The following MGAT1 variants were observed in gnomAD, a reference collection of about 807,000 sequenced individuals.
MGAT1 encodes the protein N-glycosyl-oligosaccharide-glycoprotein N-acetylglucosaminyltransferase I.
A neutral mutation model predicts 31.7 loss-of-function variants in MGAT1; 14 were observed. That is an observed-to-expected ratio of 0.44 (90% CI 0.29 to 0.69). The LOEUF is 0.69. MGAT1 is among the 30% of genes least tolerant of loss of function. The probability of loss-of-function intolerance (pLI) is 0.12; values close to 1 mark genes in which losing one functional copy is unlikely to be tolerated. For missense variants in MGAT1, 557 were observed against 626.0 expected (o/e 0.89, Z 1.18); for synonymous variants, 338 against 276.0 (o/e 1.22, Z -2.23).
In MGAT1 at chr5:180,784,833, C is replaced by A. The variant is rs1350986019; in HGVS notation, c.*6801G>T. ...ATTTTTCAATGTTTTTAGGTAGTTA[C>A]ACGATAAGCACATATTACTTATATA... On this transcript the variant is annotated 3_prime_UTR_variant, in exon 2 of 2. Coordinates refer to ENST00000307826, the MANE Select transcript of MGAT1 (RefSeq NM_002406.4). 1 of 152,182 alleles carries A rather than the reference C, an allele frequency of 6.6e-6. No homozygotes were observed. Among genetic ancestry groups the A allele is most frequent in the Non-Finnish European group, 1.5e-5 (1 of 68,040 alleles). The allele number at this position is 152,182 out of a possible 1,614,324, so 9.4% of individuals were successfully genotyped here.
At chr5:180,804,452 C>T (rs12054728), upstream of MGAT1, among the ~76,000 whole-genome samples, 19,313 of 152,256 alleles carry the variant, frequency 0.13, 1,286 homozygotes, top group East Asian at 0.24. Context: ...GCAGGCCCAC[C>T]GAGGCCGCCG....
chr5:180,793,779 TGAG>T, intron 1 of MGAT1, among the ~76,000 whole-genome samples: 2 of 152,110 alleles, frequency 1.3e-5, no homozygotes, highest in Middle Eastern at 6.8e-3. Context: ...AAATAACTCA[TGAG>T]AAGAAAACAT....
intron 1 of MGAT1, among the ~76,000 whole-genome samples, chr5:180,800,252 A>G (rs550207065): frequency 1.3e-5 from 2 of 152,280 alleles, no homozygotes; most frequent in East Asian, 3.9e-4. Flanking sequence ...GTCTCCACTC[A>G]TGTCTCCTTC....
chr5:180,801,062 G>T (rs578008590), intron 1 of MGAT1, among the ~76,000 whole-genome samples: 1 of 152,206 alleles, frequency 6.6e-6, no homozygotes, highest in South Asian at 2.1e-4. Flanking sequence ...AGCTAAAACC[G>T]AGGTGGCTCT....
At chr5:180,801,478 T>C (rs1438439043) in intron 1 of MGAT1, among the ~76,000 whole-genome samples, 1 of 151,988 alleles carries the variant, frequency 6.6e-6, no homozygotes, top group African/African-American at 2.4e-5. Context: ...ACCAGGCCCA[T>C]AATTTCAGGA....
chr5:180,787,780 T>A lies in MGAT1; in HGVS notation c.*3854A>T, dbSNP rs1055663429. 6.6e-6 allele frequency: 1 copy of A among 152,248 alleles called. No individual in the cohort carries two copies. Among genetic ancestry groups the A allele is most frequent in the Non-Finnish European group, 1.5e-5 (1 of 68,084 alleles). 9.4% of individuals were successfully genotyped at this position (152,248 alleles called of 1,614,324 possible). A position where few individuals can be genotyped will look rare whatever the true frequency, so the allele number is the denominator to read the frequency against. On this transcript the variant is annotated 3_prime_UTR_variant, in exon 2 of 2. Coordinates refer to ENST00000307826, the MANE Select transcript of MGAT1 (RefSeq NM_002406.4). ...CCCCTCAGCCTTGGCAGGCTTCTCA[T>A]GCAGGGCCCAGTGAAGGCTCAGGAG...
chr5:180,794,391 C>A (rs1376701637), intron 1 of MGAT1, among the ~76,000 whole-genome samples: 1 of 133,416 alleles, frequency 7.5e-6, no homozygotes, highest in Non-Finnish European at 1.6e-5. Context: ...GAGACTCTGT[C>A]TCAAAAAAAT....
chr5:180,813,051 T>G (rs1452694159), intron 1 of MGAT1, among the ~76,000 whole-genome samples: 1 of 152,200 alleles, frequency 6.6e-6, no homozygotes, highest in Non-Finnish European at 1.5e-5. Flanking sequence ...CTTTTCACTT[T>G]TGCAAAATTA....
intron 1 of MGAT1, among the ~76,000 whole-genome samples, chr5:180,799,194 A>T (rs1189746864): frequency 6.6e-6 from 1 of 152,202 alleles, no homozygotes; most frequent in African/African-American, 2.4e-5. Flanking sequence ...CATTATGATG[A>T]CATCCAAAGC....
chr5:180,792,811 A>C lies in MGAT1; in HGVS notation c.161T>G (p.Val54Gly). ...CTCGGCGTCTTGGGCCAGGCGAATC[A>C]CTTCCCGGGTGAGGCTGGCGGGGTC... Reference protein sequence around the residue: ...DGDPASLTREVIRLAQDAEVE... With the variant: ...DGDPASLTREGIRLAQDAEVE... Residue 54 changes from valine (V) to glycine (G), a missense_variant, in exon 2 of 2, where the codon GTG becomes GGG. Physicochemically the swap from Val to Gly is moderately radical, Grantham distance 109. Transcript: ENST00000307826. The C allele has an allele frequency of 1.9e-6, 3 of 1,558,898 alleles. No homozygotes were observed. The highest frequency in any genetic ancestry group is 2.6e-6 in the Non-Finnish European group (3 of 1,152,112).
In MGAT1 at chr5:180,791,308, G is replaced by T; in HGVS notation, c.*326C>A. 5.1e-6 allele frequency: 2 copies of T among 391,774 alleles called. No homozygotes were observed. Among genetic ancestry groups the T allele is most frequent in the Non-Finnish European group, 9.3e-6 (2 of 215,366 alleles). The allele number at this position is 391,774 out of a possible 1,614,324, so 24.3% of individuals were successfully genotyped here. On this transcript the variant is annotated 3_prime_UTR_variant, in exon 2 of 2. Transcript: ENST00000307826. ...AAGGGGTCTGGTCAAGAGAGCGAAC[G>T]TTGCCAAACTCTCTGCACATGCTCC...
At chr5:180,811,710 C>T (rs1170299468) in intron 1 of MGAT1, among the ~76,000 whole-genome samples, 1 of 152,160 alleles carries the variant, frequency 6.6e-6, no homozygotes, top group Non-Finnish European at 1.5e-5. Context: ...CACAGGGATC[C>T]TGTCGTTTCT....
In MGAT1 at chr5:180,792,285, C is replaced by T; in HGVS notation, c.687G>A (p.Leu229=). ...CGCACCACAGGGAGGGGTCGGCCTT[C>T]AGCAGCGGATAGGTGGCCCGAAAGT... is the stretch of plus-strand genomic sequence containing the variant. ...FEYFRATYPL[L]KADPSLWCVS... is the part of the protein sequence containing the mutation. Residue 229 remains leucine, a synonymous_variant, in exon 2 of 2, where the codon CTG becomes CTA. Transcript: ENST00000307826. The T allele has an allele frequency of 3.1e-6, 5 of 1,611,564 alleles. No homozygotes were observed. Among genetic ancestry groups the T allele is most frequent in the Non-Finnish European group, 4.2e-6 (5 of 1,178,688 alleles).
rs369643356 is a variant in MGAT1 at position 180,791,419 on chromosome 5, C to A, written c.*215G>T. 1.7e-5 allele frequency: 11 copies of A among 652,558 alleles called. 1 individual carries two copies. The African/African-American group carries it at 2.0e-4, about 12-fold the overall frequency. The allele number at this position is 652,558 out of a possible 1,614,324, so 40.4% of individuals were successfully genotyped here. Reference sequence around the variant, plus strand: ...CAGTGGTTTCCTGCTTAATACCCCGCAACATACCCTAGAATAGTTCCCCTG... The same window carrying A: ...CAGTGGTTTCCTGCTTAATACCCCGAAACATACCCTAGAATAGTTCCCCTG... On this transcript the variant is annotated 3_prime_UTR_variant, in exon 2 of 2. Coordinates refer to ENST00000307826, the MANE Select transcript of MGAT1 (RefSeq NM_002406.4).
rs1435410802 is a variant in MGAT1 at position 180,787,224 on chromosome 5, ACT to A, written c.*4408_*4409del. ...AGCAGGGCCGGCCCAGGCCCACCGC[ACT>A]CTATGACATCGGCCACCAGGCTGGT... On this transcript the variant is annotated 3_prime_UTR_variant, in exon 2 of 2. Coordinates refer to ENST00000307826, the MANE Select transcript of MGAT1 (RefSeq NM_002406.4). 1.3e-5 allele frequency: 2 copies of A among 152,300 alleles called. No individual in the cohort carries two copies. Among genetic ancestry groups the A allele is most frequent in the South Asian group, 2.1e-4 (1 of 4,816 alleles). 9.4% of individuals were successfully genotyped at this position (152,300 alleles called of 1,614,324 possible).
intron 1 of MGAT1, among the ~76,000 whole-genome samples, chr5:180,796,055 G>A (rs1312373228): frequency 8.3e-6 from 1 of 120,760 alleles, no homozygotes; most frequent in Non-Finnish European, 1.8e-5. Context: ...ACACCCCAAA[G>A]CTTCAGGCGT....
rs902047529 is a variant in MGAT1 at position 180,788,921 on chromosome 5, C to T, written c.*2713G>A. ...ACAATGCACTTGGCTAGCTGCATGA[C>T]ATGCTATGCGCATGGAGCGTGGCGG... On this transcript the variant is annotated 3_prime_UTR_variant, in exon 2 of 2. Transcript: ENST00000307826. 1 of 152,312 alleles carries T rather than the reference C, an allele frequency of 6.6e-6. No individual in the cohort carries two copies. Among genetic ancestry groups the T allele is most frequent in the African/African-American group, 2.4e-5 (1 of 41,466 alleles). 9.4% of individuals were successfully genotyped at this position (152,312 alleles called of 1,614,324 possible). A position where few individuals can be genotyped will look rare whatever the true frequency, so the allele number is the denominator to read the frequency against.
rs570763323 is a variant in MGAT1, at chr5:180,789,753, G to A, written c.*1881C>T. 2 of 152,184 alleles carry A rather than the reference G, an allele frequency of 1.3e-5. No homozygotes were observed. The highest frequency in any genetic ancestry group is 2.1e-4 in the South Asian group (1 of 4,826). 9.4% of individuals were successfully genotyped at this position (152,184 alleles called of 1,614,324 possible). A position where few individuals can be genotyped will look rare whatever the true frequency, so the allele number is the denominator to read the frequency against. On this transcript the variant is annotated 3_prime_UTR_variant, in exon 2 of 2. Transcript: ENST00000307826. ...AGTGATTCTCCAGCCTCAGCTTCCTGAGTAGCTGGGATTACAGGTGTGTGC... is the reference window on the plus strand; with the variant it reads ...AGTGATTCTCCAGCCTCAGCTTCCTAAGTAGCTGGGATTACAGGTGTGTGC...
chr5:180,792,999 A>AG lies in MGAT1; in HGVS notation c.-29dup, dbSNP rs1768573342. ...TGGCCCCCACCGGGGAGGGCAGGCC[A>AG]GGGGACGGTTCAAGGCTGCCCTGGG... On this transcript the variant is annotated 5_prime_UTR_variant, in exon 2 of 2. Coordinates refer to ENST00000307826, the MANE Select transcript of MGAT1 (RefSeq NM_002406.4). 3.7e-6 allele frequency: 6 copies of AG among 1,611,278 alleles called. No homozygotes were observed. The highest frequency in any genetic ancestry group is 1.3e-5 in the African/African-American group (1 of 75,000).
Sources: gnomAD v4.1 joint callset for allele counts (sites outside exome capture counted in the v4.1 genomes callset) on GRCh38, gnomAD v4.1.1 for gene constraint, MANE v1.5 for transcripts, NCBI Gene and HGNC (gene_info 2026-07-23, HGNC 2026-07-21) for gene names.